ARHGAP6: variants seen among roughly 807,000 people sequenced by gnomAD.
ARHGAP6 encodes the protein rho GTPase-activating protein 6.
ARHGAP6 carries 16 observed loss-of-function variants against 55.7 expected under a neutral mutation model. The ratio of observed to expected loss-of-function variants is 0.29; its 90% CI spans 0.19 to 0.44. The LOEUF (loss-of-function observed/expected upper bound fraction) is 0.44. Ranked by LOEUF, ARHGAP6 falls within the 20% of genes least tolerant of loss-of-function variation. The pLI is 1.00. For missense variants in ARHGAP6, 698 were observed against 808.9 expected, an observed-to-expected ratio of 0.86 and a Z score of 1.66; for synonymous variants, 382 against 360.9, an observed-to-expected ratio of 1.06 and a Z score of -0.66.
intron 2 of ARHGAP6, among the ~76,000 whole-genome samples, chrX:11,225,473 A>G (rs748568498): frequency 9.0e-6 from 1 of 110,758 alleles, no homozygotes; most frequent in South Asian, 3.9e-4. Context: ...TCTTTACTCC[A>G]TGACTGATGA....
chrX:11,343,360 G>A (rs1408322984), intron 1 of ARHGAP6, among the ~76,000 whole-genome samples: 1 of 112,193 alleles, frequency 8.9e-6, no homozygotes, highest in Non-Finnish European at 1.9e-5. Flanking sequence ...CTTAGAAGTG[G>A]GAGCAAAAGG....
chrX:11,269,282 G>A (rs767774656), intron 1 of ARHGAP6, among the ~76,000 whole-genome samples: 15 of 111,380 alleles, frequency 1.3e-4, no homozygotes, highest in East Asian at 2.8e-4. Context: ...GACTCATTTC[G>A]TCCCTTCCTA....
At chrX:11,482,152 G>A (rs895300263) in intron 1 of ARHGAP6, among the ~76,000 whole-genome samples, 10 of 112,097 alleles carry the variant, frequency 8.9e-5, no homozygotes, top group Non-Finnish European at 1.5e-4. Flanking sequence ...AAGTGGAGAG[G>A]GGCCAGAGAT....
At chrX:11,430,836 C>T (rs573749251) in intron 1 of ARHGAP6, among the ~76,000 whole-genome samples, 1 of 111,738 alleles carries the variant, frequency 8.9e-6, no homozygotes, top group Admixed American at 9.5e-5. Flanking sequence ...TTTAGGGTAT[C>T]CATCACCAGA....
chrX:11,211,150 A>G (rs2147388587), intron 2 of ARHGAP6, among the ~76,000 whole-genome samples: 1 of 111,960 alleles, frequency 8.9e-6, no homozygotes, highest in South Asian at 3.7e-4. Context: ...ATGCTCTTTA[A>G]AAAATCTCGA....
In ARHGAP6 at chrX:11,636,593, T is replaced by C. The variant is rs763712439; in HGVS notation, c.588+27648A>G. Reference sequence around the variant, plus strand: ...CAATGACTTGGGGAAAAGGGTTATGTGGATTTTCTAGGATTCTCAAGGACA... The same window carrying C: ...CAATGACTTGGGGAAAAGGGTTATGCGGATTTTCTAGGATTCTCAAGGACA... On this transcript the variant is annotated intron_variant, in intron 1 of 12. Transcript: ENST00000337414. 3.6e-5 allele frequency among the ~76,000 whole-genome samples: 4 copies of C among 111,483 alleles called. No individual in the cohort carries two copies. In the South Asian group the frequency reaches 1.1e-3, roughly 32 times the overall value.
chrX:11,508,113 T>C (rs1272596307), intron 1 of ARHGAP6, among the ~76,000 whole-genome samples: 1 of 111,776 alleles, frequency 8.9e-6, no homozygotes, highest in Non-Finnish European at 1.9e-5. Context: ...GGTTGCCAGA[T>C]TTAGTAAATA....
chrX:11,513,652 T>C (rs1603237774), intron 1 of ARHGAP6, among the ~76,000 whole-genome samples: 1 of 111,025 alleles, frequency 9.0e-6, no homozygotes, highest in East Asian at 2.8e-4. Flanking sequence ...GACTGAAACG[T>C]ATGAGACCCA....
At chrX:11,319,268 G>A (rs1325059634) in intron 1 of ARHGAP6, among the ~76,000 whole-genome samples, 1 of 111,189 alleles carries the variant, frequency 9.0e-6, no homozygotes, top group Non-Finnish European at 1.9e-5. Flanking sequence ...ATGTGTCATT[G>A]TACCCACATA....
chrX:11,639,246 G>GA (rs35714072), intron 1 of ARHGAP6, among the ~76,000 whole-genome samples: 20,531 of 110,330 alleles, frequency 0.19, 1,895 homozygotes, highest in African/African-American at 0.34. Flanking sequence ...AAGTTCTAGG[G>GA]TACATGTGCA....
chrX:11,602,601 G>A (rs140694287), intron 1 of ARHGAP6, among the ~76,000 whole-genome samples: 106 of 112,862 alleles, frequency 9.4e-4, no homozygotes, highest in Admixed American at 2.0e-3. Context: ...ACCTGGGCAT[G>A]GGAGAGGGAT....
At chrX:11,411,731 A>T (rs1014738844) in intron 1 of ARHGAP6, among the ~76,000 whole-genome samples, 1 of 111,826 alleles carries the variant, frequency 8.9e-6, no homozygotes, top group Admixed American at 9.5e-5. Context: ...AACGTATTTC[A>T]AGTTTGATTG....
At chrX:11,438,207 A>G (rs751276336) in intron 1 of ARHGAP6, among the ~76,000 whole-genome samples, 1 of 112,377 alleles carries the variant, frequency 8.9e-6, no homozygotes, top group Non-Finnish European at 1.9e-5. Context: ...AGCATCCGTA[A>G]TATTACTCCA....
At position 11,644,917 on chromosome X, in the gene ARHGAP6, T is replaced by C. The variant is rs757852843; in HGVS notation, c.588+19324A>G. Among the ~76,000 whole-genome samples, 4 of 111,990 alleles carry C rather than the reference T, an allele frequency of 3.6e-5. No individual in the cohort carries two copies. The East Asian group carries it at 1.1e-3, about 31-fold the overall frequency. On this transcript the variant is annotated intron_variant, in intron 1 of 12. Coordinates refer to ENST00000337414, the MANE Select transcript of ARHGAP6 (RefSeq NM_013427.3). Reference sequence around the variant, plus strand: ...ACATTTATAGCCATACTAATTGCCCTCAAATTGAAAACAAGCCAAATTTAC... The same window carrying C: ...ACATTTATAGCCATACTAATTGCCCCCAAATTGAAAACAAGCCAAATTTAC...
intron 1 of ARHGAP6, among the ~76,000 whole-genome samples, chrX:11,279,872 T>C (rs916137783): frequency 1.8e-5 from 2 of 111,633 alleles, no homozygotes; most frequent in African/African-American, 6.5e-5. Context: ...CTAGGTCACA[T>C]AAAAAGTGGC....
At chrX:11,521,458 A>T (rs1206062994) in intron 1 of ARHGAP6, among the ~76,000 whole-genome samples, 1 of 111,871 alleles carries the variant, frequency 8.9e-6, no homozygotes, top group Non-Finnish European at 1.9e-5. Flanking sequence ...GTCAAAGATC[A>T]GATAGTTGTA....
chrX:11,279,689 G>A (rs1206775162), intron 1 of ARHGAP6, among the ~76,000 whole-genome samples: 1 of 110,546 alleles, frequency 9.0e-6, no homozygotes, highest in Non-Finnish European at 1.9e-5. Flanking sequence ...TAAAGATTAT[G>A]ACTAATAAAC....
rs577620240 is a variant in ARHGAP6 at position 11,305,230 on chromosome X, A to T, written c.589-50523T>A. Among the ~76,000 whole-genome samples the T allele has an allele frequency of 3.7e-3, 410 of 111,148 alleles. 1 individual carries two copies. The highest frequency in any genetic ancestry group is 0.014 in the Middle Eastern group (3 of 217). Reference sequence around the variant, plus strand: ...GGGAGTGGTAGGGGTGTTAAGGAGAATTTGCAAAATAAAGAAAGTGCTGTC... The same window carrying T: ...GGGAGTGGTAGGGGTGTTAAGGAGATTTTGCAAAATAAAGAAAGTGCTGTC... On this transcript the variant is annotated intron_variant, in intron 1 of 12. Transcript: ENST00000337414.
At chrX:11,424,888 A>G (rs181912634) in intron 1 of ARHGAP6, among the ~76,000 whole-genome samples, 1 of 112,649 alleles carries the variant, frequency 8.9e-6, no homozygotes, top group Non-Finnish European at 1.9e-5. Flanking sequence ...ATGTCTGTTT[A>G]TGTAAATGGA....
Sources: gnomAD v4.1 joint callset for allele counts (sites outside exome capture counted in the v4.1 genomes callset) on GRCh38, gnomAD v4.1.1 for gene constraint, MANE v1.5 for transcripts, NCBI Gene and HGNC (gene_info 2026-07-23, HGNC 2026-07-21) for gene names.